Variants in RALGPS1 observed in about 807,000 individuals in gnomAD.
RALGPS1 encodes Ral GEF with PH domain and SH3 binding motif 1.
A neutral mutation model predicts 78.8 loss-of-function variants in RALGPS1; 19 were observed. That is an observed-to-expected ratio of 0.24 (90% CI 0.17 to 0.35). RALGPS1 has a LOEUF of 0.35. RALGPS1 is among the 10% of genes least tolerant of loss of function. RALGPS1 has a pLI of 1.00. For synonymous variants in RALGPS1, 228 were observed against 256.3 expected (o/e 0.89, Z 1.06); for missense variants, 454 against 688.3 (o/e 0.66, Z 3.81).
chr9:127,048,621 G>T (rs185507397), intron 5 of RALGPS1, among the ~76,000 whole-genome samples: 1 of 152,138 alleles, frequency 6.6e-6, no homozygotes, highest in Non-Finnish European at 1.5e-5. Context: ...TCCATGTTCC[G>T]TAATATGCCA....
Position 127,212,014 on chromosome 9 carries a change from T to C in RALGPS1, c.1248-117T>C, listed in dbSNP as rs908884612. Reference sequence around the variant, plus strand: ...CCGGGCCTTGCTCTGCGCCGTTAAGTCTGGACTGCTGGGATGTCATGGACT... The same window carrying C: ...CCGGGCCTTGCTCTGCGCCGTTAAGCCTGGACTGCTGGGATGTCATGGACT... On this transcript the variant is annotated intron_variant, in intron 14 of 18. Coordinates refer to ENST00000259351, the MANE Select transcript of RALGPS1 (RefSeq NM_014636.3). The surrounding 1 kb of genome is among the most constrained non-coding windows in gnomAD (Gnocchi z 6.0). 6 of 784,088 alleles carry C rather than the reference T, an allele frequency of 7.7e-6. No individual in the cohort carries two copies. In the African/African-American group the frequency reaches 8.8e-5, roughly 11 times the overall value. The allele number at this position is 784,088 out of a possible 1,614,324, so 48.6% of individuals were successfully genotyped here. A position where few individuals can be genotyped will look rare whatever the true frequency, so the allele number is the denominator to read the frequency against.
chr9:127,033,778 CTGA>C (rs1408111758), intron 4 of RALGPS1, among the ~76,000 whole-genome samples: 1 of 152,164 alleles, frequency 6.6e-6, no homozygotes, highest in African/African-American at 2.4e-5. Context: ...GCCAGCCTTA[CTGA>C]TAAATAAAAT....
At chr9:127,040,586 A>G (rs1322800715) in intron 5 of RALGPS1, among the ~76,000 whole-genome samples, 3 of 152,138 alleles carry the variant, frequency 2.0e-5, no homozygotes, top group Non-Finnish European at 1.5e-5. Flanking sequence ...GATGGAACCG[A>G]AATTTTCTGA....
chr9:127,066,211 C>A (rs1739218988), intron 7 of RALGPS1, among the ~76,000 whole-genome samples: 2 of 152,184 alleles, frequency 1.3e-5, no homozygotes, highest in African/African-American at 4.8e-5. Context: ...GCCAGCTTGG[C>A]CCAGGCACAG....
chr9:126,927,635 T>G (rs1238773160), intron 1 of RALGPS1, among the ~76,000 whole-genome samples: 1 of 152,178 alleles, frequency 6.6e-6, no homozygotes, highest in African/African-American at 2.4e-5. Flanking sequence ...CTGCAGACAG[T>G]CTCTACCCCC....
At chr9:127,067,911 G>A (rs540817079) in intron 7 of RALGPS1, among the ~76,000 whole-genome samples, 1 of 152,282 alleles carries the variant, frequency 6.6e-6, no homozygotes, top group Non-Finnish European at 1.5e-5. Flanking sequence ...CGTTTAGTCA[G>A]CCATGTTGCC....
chr9:127,050,352 G>T (rs78186875), intron 6 of RALGPS1, among the ~76,000 whole-genome samples: 1 of 152,168 alleles, frequency 6.6e-6, no homozygotes, highest in Admixed American at 6.5e-5. Context: ...AATTGGCAGC[G>T]TGCCCCACAC....
intron 1 of RALGPS1, among the ~76,000 whole-genome samples, chr9:126,945,160 G>GA (rs2037139354): frequency 6.6e-6 from 1 of 152,126 alleles, no homozygotes; most frequent in Non-Finnish European, 1.5e-5. Context: ...AACAGGGTCT[G>GA]ACACTTCTCT....
At chr9:127,209,248 G>C (rs2062102558) in intron 14 of RALGPS1, among the ~76,000 whole-genome samples, 2 of 152,266 alleles carry the variant, frequency 1.3e-5, no homozygotes, top group African/African-American at 4.8e-5. Context: ...CCCCTGAGCA[G>C]TGCTGCTTCT....
chr9:127,179,289 A>G (rs1454995369), intron 11 of RALGPS1, among the ~76,000 whole-genome samples: 1 of 152,152 alleles, frequency 6.6e-6, no homozygotes, highest in African/African-American at 2.4e-5. Context: ...GCTTCCCACT[A>G]GCAGCCTCAG....
At chr9:127,102,267 T>C (rs539732880) in intron 8 of RALGPS1, among the ~76,000 whole-genome samples, 2 of 150,664 alleles carry the variant, frequency 1.3e-5, no homozygotes, top group South Asian at 2.1e-4. Flanking sequence ...CTCACAGTTA[T>C]GGAGGCTGAG....
chr9:127,193,487 A>G (rs939882637), intron 11 of RALGPS1, among the ~76,000 whole-genome samples: 2 of 152,216 alleles, frequency 1.3e-5, no homozygotes, highest in African/African-American at 2.4e-5. Context: ...AAGACAACTC[A>G]TGGGAAGTGA....
At chr9:126,915,674 T>C (rs918758439) in intron 1 of RALGPS1, among the ~76,000 whole-genome samples, 3 of 150,908 alleles carry the variant, frequency 2.0e-5, no homozygotes, top group Non-Finnish European at 4.4e-5. Context: ...CCCTGGTTAC[T>C]GGCCGGTTGC....
At chr9:127,120,256 A>G (rs2055907371) in intron 8 of RALGPS1, among the ~76,000 whole-genome samples, 1 of 152,240 alleles carries the variant, frequency 6.6e-6, no homozygotes, top group African/African-American at 2.4e-5. Flanking sequence ...ATAGGCAGAC[A>G]GGCAGTGCCC....
At chr9:126,933,348 G>A (rs568750336) in intron 1 of RALGPS1, among the ~76,000 whole-genome samples, 84 of 152,294 alleles carry the variant, frequency 5.5e-4, no homozygotes, top group African/African-American at 2.0e-3. Flanking sequence ...ACCCCAGAGG[G>A]GCCAGTGTGA....
rs1156240403 is a variant in RALGPS1 at position 127,122,133 on chromosome 9, A to C, written c.611-43936A>C. 6.6e-6 allele frequency among the ~76,000 whole-genome samples: 1 copy of C among 151,948 alleles called. No homozygotes were observed. Among genetic ancestry groups the C allele is most frequent in the Non-Finnish European group, 1.5e-5 (1 of 67,964 alleles). ...GATCATGTGCCCCCAAACACCACCA[A>C]ATGTCCACAGGTTCTGCCCCGGACA... On this transcript the variant is annotated intron_variant, in intron 8 of 18. Coordinates refer to ENST00000259351, the MANE Select transcript of RALGPS1 (RefSeq NM_014636.3). This position sits in a 1 kb window ranked among gnomAD's most constrained non-coding sequence, Gnocchi z 6.4.
In RALGPS1 at chr9:126,968,065, G is replaced by A. The variant is rs558323250; in HGVS notation, c.165+2114G>A. ...GTCGCCAGGCTGGAGTGCAGTGGCA[G>A]GATCTTGGCTCACTGAAACTTCCGC... On this transcript the variant is annotated intron_variant, in intron 3 of 18. Coordinates refer to ENST00000259351, the MANE Select transcript of RALGPS1 (RefSeq NM_014636.3). 2.0e-5 allele frequency among the ~76,000 whole-genome samples: 3 copies of A among 150,192 alleles called. No homozygotes were observed. In the South Asian group the frequency reaches 6.3e-4, roughly 32 times the overall value.
At chr9:127,112,223 C>A (rs1448951039) in intron 8 of RALGPS1, among the ~76,000 whole-genome samples, 3 of 152,238 alleles carry the variant, frequency 2.0e-5, no homozygotes, top group African/African-American at 7.2e-5. Flanking sequence ...GGTGGGGCTG[C>A]AGTGACGTCA....
Position 127,081,779 on chromosome 9 carries a change from A to G in RALGPS1, c.610+12423A>G, listed in dbSNP as rs562090078. Among the ~76,000 whole-genome samples the G allele has an allele frequency of 2.5e-4, 38 of 152,306 alleles. No individual in the cohort carries two copies. In the South Asian group the frequency reaches 7.7e-3, roughly 31 times the overall value. ...AGTGGGGAGGGAACATTCCTTGACC[A>G]GCCCTTGGAGCTGGATTTATTAATA... On this transcript the variant is annotated intron_variant, in intron 8 of 18. Coordinates refer to ENST00000259351, the MANE Select transcript of RALGPS1 (RefSeq NM_014636.3).
Sources: gnomAD v4.1 joint callset for allele counts (sites outside exome capture counted in the v4.1 genomes callset) on GRCh38, gnomAD v4.1.1 for gene constraint, Gnocchi (gnomAD v3.1) non-coding constraint, MANE v1.5 for transcripts, NCBI Gene and HGNC (gene_info 2026-07-23, HGNC 2026-07-21) for gene names.